The following IMMP1L variants were observed in gnomAD, a reference collection of about 807,000 sequenced individuals.
IMMP1L encodes the protein mitochondrial inner membrane protease subunit 1.
A neutral mutation model predicts 21.8 loss-of-function variants in IMMP1L; 24 were observed. The ratio of observed to expected loss-of-function variants is 1.10; its 90% CI spans 0.80 to 1.55. The LOEUF (loss-of-function observed/expected upper bound fraction) is 1.55, where lower values mean the gene tolerates loss of function less well. Among genes scored for constraint, IMMP1L ranks in the 40% most tolerant of loss-of-function variants. The pLI, the probability that IMMP1L is intolerant of heterozygous loss-of-function variation, is 0.00. For missense variants in IMMP1L, 195 were observed against 200.7 expected (o/e 0.97, Z 0.17); for synonymous variants, 46 against 62.8 (o/e 0.73, Z 1.26).
At chr11:31,474,236 C>A (rs1156353406) in intron 1 of IMMP1L, among the ~76,000 whole-genome samples, 1 of 152,110 alleles carries the variant, frequency 6.6e-6, no homozygotes, top group Non-Finnish European at 1.5e-5. Flanking sequence ...AGATATATGT[C>A]CACTTAAGAT....
chr11:31,488,935 T>G (rs1955168094), intron 1 of IMMP1L, among the ~76,000 whole-genome samples: 1 of 152,022 alleles, frequency 6.6e-6, no homozygotes, highest in African/African-American at 2.4e-5. Context: ...CTCGCTCTGT[T>G]GCCCAGGCTG....
At chr11:31,496,827 A>G (rs1333072227) in intron 1 of IMMP1L, among the ~76,000 whole-genome samples, 4 of 148,124 alleles carry the variant, frequency 2.7e-5, no homozygotes, top group Admixed American at 1.4e-4. Flanking sequence ...TATACATTAT[A>G]TAATCTATAA....
At chr11:31,465,838 A>G (rs1564987183) in intron 1 of IMMP1L, among the ~76,000 whole-genome samples, 1 of 152,010 alleles carries the variant, frequency 6.6e-6, no homozygotes, top group Non-Finnish European at 1.5e-5. Flanking sequence ...CTATAATACT[A>G]TAGGGGAAAC....
intron 4 of IMMP1L, among the ~76,000 whole-genome samples, chr11:31,435,725 A>T (rs1295049830): frequency 5.9e-5 from 9 of 152,068 alleles, no homozygotes; most frequent in African/African-American, 2.2e-4. Context: ...TCATTTCATA[A>T]GCACTCTTTC....
At chr11:31,454,604 CATAA>C (rs1448110723) in intron 4 of IMMP1L, among the ~76,000 whole-genome samples, 1 of 151,938 alleles carries the variant, frequency 6.6e-6, no homozygotes, top group East Asian at 1.9e-4. Context: ...CACTATACCC[CATAA>C]ATAATGTACA....
intron 4 of IMMP1L, among the ~76,000 whole-genome samples, chr11:31,454,549 T>C (rs184792136): frequency 8.6e-5 from 13 of 151,084 alleles, no homozygotes; most frequent in African/African-American, 2.9e-4. Context: ...ATGGTAAATA[T>C]CCTAATTTCA....
intron 1 of IMMP1L, among the ~76,000 whole-genome samples, chr11:31,470,470 GGAAGA>G (rs1368291973): frequency 6.6e-6 from 1 of 150,520 alleles, no homozygotes; most frequent in Non-Finnish European, 1.5e-5. Context: ...CAAGAAGGAA[GGAAGA>G]GAAGTGAAGA....
chr11:31,489,483 A>G (rs1188353535), intron 1 of IMMP1L, among the ~76,000 whole-genome samples: 3 of 152,184 alleles, frequency 2.0e-5, no homozygotes, highest in Non-Finnish European at 4.4e-5. Flanking sequence ...ATACGGTTTC[A>G]CTCTAATAAT....
chr11:31,467,784 T>TTA, intron 1 of IMMP1L, among the ~76,000 whole-genome samples: 1 of 151,654 alleles, frequency 6.6e-6, no homozygotes, highest in East Asian at 1.9e-4. Flanking sequence ...TAGATAATTT[T>TTA]TTTTTTTTTT....
At chr11:31,435,144 T>C (rs1178844416) in intron 4 of IMMP1L, among the ~76,000 whole-genome samples, 10 of 152,198 alleles carry the variant, frequency 6.6e-5, no homozygotes. Context: ...CATGTAGTTA[T>C]GGACACCAGT....
intron 1 of IMMP1L, among the ~76,000 whole-genome samples, chr11:31,481,173 A>C (rs1034528000): frequency 6.6e-6 from 1 of 152,154 alleles, no homozygotes; most frequent in African/African-American, 2.4e-5. Context: ...ATGACAGCCA[A>C]ATAATATGTT....
At chr11:31,497,864 A>T (rs1458885674) in intron 1 of IMMP1L, among the ~76,000 whole-genome samples, 1 of 152,226 alleles carries the variant, frequency 6.6e-6, no homozygotes, top group Non-Finnish European at 1.5e-5. Context: ...TGATGAAAGT[A>T]GTGAATTTTA....
At chr11:31,453,054 C>G (rs915634247) in intron 4 of IMMP1L, 7 of 1,288,406 alleles carry the variant, frequency 5.4e-6, no homozygotes, top group African/African-American at 1.5e-5. Flanking sequence ...GGCCGGCCAG[C>G]AACAGCATCT....
At chr11:31,450,303 G>A (rs747869225) in intron 4 of IMMP1L, among the ~76,000 whole-genome samples, 2 of 152,072 alleles carry the variant, frequency 1.3e-5, no homozygotes, top group African/African-American at 2.4e-5. Context: ...AGCCTTCATC[G>A]TAATAAAACC....
At chr11:31,486,601 A>G (rs1395656196) in intron 1 of IMMP1L, among the ~76,000 whole-genome samples, 3 of 152,016 alleles carry the variant, frequency 2.0e-5, no homozygotes, top group South Asian at 2.1e-4. Context: ...AAATGTACAC[A>G]TGATATGTAA....
chr11:31,472,874 A>AT (rs200515495), intron 1 of IMMP1L, among the ~76,000 whole-genome samples: 2,948 of 150,638 alleles, frequency 0.02, 44 homozygotes, highest in Non-Finnish European at 0.028. Flanking sequence ...TTATTTATTT[A>AT]TTTTTTTTTG....
At chr11:31,434,222 TCTC>T (rs1169703166) in intron 4 of IMMP1L, among the ~76,000 whole-genome samples, 8 of 152,194 alleles carry the variant, frequency 5.3e-5, no homozygotes, top group African/African-American at 1.9e-4. Context: ...ATGGTGACCT[TCTC>T]CTAAATGAAA....
rs911366781 is a variant in IMMP1L at position 31,496,370 on chromosome 11, T to C, written c.-30+13149A>G. ...TGAAATTGTAACCCTTCCGCACTCC[T>C]GGTGGGAATGCAAAATGGTACAGCC... On this transcript the variant is annotated intron_variant, in intron 1 of 5. Transcript: ENST00000532287. 2.7e-4 allele frequency among the ~76,000 whole-genome samples: 41 copies of C among 152,204 alleles called. 1 individual carries two copies. Among genetic ancestry groups the C allele is most frequent in the African/African-American group, 9.2e-4 (38 of 41,466 alleles).
chr11:31,469,965 T>G (rs1057076526), intron 1 of IMMP1L, among the ~76,000 whole-genome samples: 1 of 152,170 alleles, frequency 6.6e-6, no homozygotes, highest in Admixed American at 6.5e-5. Flanking sequence ...CACCAAACTA[T>G]AATTCTATGT....
Sources: allele counts gnomAD v4.1 joint callset (sites outside exome capture counted in the v4.1 genomes callset), GRCh38; gene constraint gnomAD v4.1.1; transcripts MANE v1.5; gene names NCBI Gene and HGNC (gene_info 2026-07-23, HGNC 2026-07-21).